The following GRM5 variants were observed in gnomAD, a reference collection of about 807,000 sequenced individuals.
The protein encoded by GRM5 is glutamate metabotropic receptor 5, also known as metabotropic glutamate receptor 5.
GRM5 carries 19 observed loss-of-function variants against 83.1 expected under a neutral mutation model. That is an observed-to-expected ratio of 0.23 (90% CI 0.16 to 0.34). The LOEUF is 0.34. Among genes scored for constraint, GRM5 ranks in the 10% least tolerant of loss-of-function variants. The pLI, the probability that GRM5 is intolerant of heterozygous loss-of-function variation, is 1.00. For missense variants in GRM5, 1,160 were observed against 1,588.3 expected (o/e 0.73, Z 4.58); for synonymous variants, 675 against 633.6 (o/e 1.07, Z -0.98).
rs1555025154 is a variant in GRM5 at position 88,838,904 on chromosome 11, CAT to C, written c.911+11000_911+11001del. Among the ~76,000 whole-genome samples the C allele has an allele frequency of 3.9e-4, 57 of 145,110 alleles. 1 individual carries two copies. Among genetic ancestry groups the C allele is most frequent in the African/African-American group, 1.1e-3 (42 of 38,074 alleles). On this transcript the variant is annotated intron_variant, in intron 3 of 9. Transcript: ENST00000305447. ...ACACACACACACACACACACACACA[CAT>C]ACACACACAAACTTCCTTCTCCACT...
intron 2 of GRM5, among the ~76,000 whole-genome samples, chr11:88,859,333 G>A (rs750674378): frequency 3.3e-5 from 5 of 151,928 alleles, no homozygotes; most frequent in Non-Finnish European, 7.4e-5. Flanking sequence ...GGTTATTTTA[G>A]GTAAAGTACT....
intron 3 of GRM5, among the ~76,000 whole-genome samples, chr11:88,751,078 A>AAAAAAAAAAAAAAAAAAC (rs1942261959): frequency 7.1e-6 from 1 of 141,050 alleles, no homozygotes; most frequent in African/African-American, 2.5e-5. Flanking sequence ...AAGCCAAAAA[A>AAAAAAAAAAAAAAAAAAC]AAAAAAAAAA....
intron 2 of GRM5, among the ~76,000 whole-genome samples, chr11:88,882,680 A>C (rs555357863): frequency 1.3e-5 from 2 of 152,312 alleles, no homozygotes; most frequent in Non-Finnish European, 2.9e-5. Context: ...TCAATAGCTA[A>C]TAATTTCAAT....
At chr11:88,748,038 A>C (rs1942180013) in intron 3 of GRM5, among the ~76,000 whole-genome samples, 1 of 152,192 alleles carries the variant, frequency 6.6e-6, no homozygotes, top group Non-Finnish European at 1.5e-5. Flanking sequence ...CTGGAGTAGC[A>C]GAGAGCCAAA....
At chr11:88,895,883 G>C (rs1235305820) in intron 2 of GRM5, among the ~76,000 whole-genome samples, 1 of 151,912 alleles carries the variant, frequency 6.6e-6, no homozygotes, top group Non-Finnish European at 1.5e-5. Flanking sequence ...TTATGTGCTT[G>C]TGATGTAGAA....
intron 2 of GRM5, among the ~76,000 whole-genome samples, chr11:89,017,210 C>T (rs771751692): frequency 6.6e-6 from 1 of 152,066 alleles, no homozygotes; most frequent in Non-Finnish European, 1.5e-5. Flanking sequence ...CTCAGACCAC[C>T]AAGGTTTAAC....
At chr11:88,869,741 T>C (rs2135559984) in intron 2 of GRM5, among the ~76,000 whole-genome samples, 1 of 151,552 alleles carries the variant, frequency 6.6e-6, no homozygotes, top group Non-Finnish European at 1.5e-5. Context: ...TCTTCAAAAA[T>C]GTGAGCCAAC....
At chr11:88,774,894 G>A (rs1259733615) in intron 3 of GRM5, among the ~76,000 whole-genome samples, 1 of 152,188 alleles carries the variant, frequency 6.6e-6, no homozygotes, top group Non-Finnish European at 1.5e-5. Flanking sequence ...AGGGATATTG[G>A]TCTAAAATTC....
intron 2 of GRM5, among the ~76,000 whole-genome samples, chr11:88,994,911 C>G (rs768745423): frequency 4.6e-4 from 70 of 152,210 alleles, no homozygotes; most frequent in Non-Finnish European, 8.7e-4. Flanking sequence ...AGTTTATCCT[C>G]ATAACATTTA....
chr11:88,664,492 G>A (rs1166816942), intron 3 of GRM5, among the ~76,000 whole-genome samples: 1 of 151,680 alleles, frequency 6.6e-6, no homozygotes, highest in Non-Finnish European at 1.5e-5. Context: ...TGCTGCCCAG[G>A]CTGGAATGCA....
At chr11:88,613,277 G>A (rs767302306) in intron 4 of GRM5, among the ~76,000 whole-genome samples, 11 of 152,212 alleles carry the variant, frequency 7.2e-5, no homozygotes, top group South Asian at 6.2e-4. Context: ...CTGATGATAC[G>A]TCTGACATTG....
intron 3 of GRM5, among the ~76,000 whole-genome samples, chr11:88,822,634 G>T (rs1365211538): frequency 6.6e-6 from 1 of 152,116 alleles, no homozygotes; most frequent in Non-Finnish European, 1.5e-5. Context: ...GCAGCACACA[G>T]GGCTGGAATA....
rs1354285965 is a variant in GRM5 at position 88,848,286 on chromosome 11, T to C, written c.911+1620A>G. Among the ~76,000 whole-genome samples, 6 of 152,308 alleles carry C rather than the reference T, an allele frequency of 3.9e-5. No homozygotes were observed. The South Asian group carries it at 1.2e-3, about 32-fold the overall frequency. On this transcript the variant is annotated intron_variant, in intron 3 of 9. Coordinates refer to ENST00000305447, the MANE Select transcript of GRM5 (RefSeq NM_001143831.3). ...ACTCAATATCATTTTTATTGAAGGA[T>C]GTGTGGCCTCATACCAAAATAGCCC...
At chr11:88,731,542 C>A (rs547590815) in intron 3 of GRM5, among the ~76,000 whole-genome samples, 51 of 152,090 alleles carry the variant, frequency 3.4e-4, no homozygotes, top group Admixed American at 5.9e-4. Flanking sequence ...GAATCACTTG[C>A]CAAGTTCAAC....
intron 7 of GRM5, among the ~76,000 whole-genome samples, chr11:88,574,084 A>G (rs1338360423): frequency 6.6e-6 from 1 of 152,086 alleles, no homozygotes; most frequent in East Asian, 1.9e-4. Context: ...AGTTTGATTG[A>G]CTGTATCATT....
chr11:88,960,903 C>A (rs1938763304), intron 2 of GRM5, among the ~76,000 whole-genome samples: 2 of 151,998 alleles, frequency 1.3e-5, no homozygotes, highest in South Asian at 4.1e-4. Context: ...AAAAAATATT[C>A]TAGATGAAGC....
intron 2 of GRM5, among the ~76,000 whole-genome samples, chr11:88,853,681 TG>T (rs1590913880): frequency 6.9e-6 from 1 of 145,560 alleles, no homozygotes. Context: ...ATTTGACTTT[TG>T]AAAATATGAA....
intron 2 of GRM5, among the ~76,000 whole-genome samples, chr11:89,036,920 T>C (rs1941401561): frequency 6.6e-6 from 1 of 152,156 alleles, no homozygotes; most frequent in African/African-American, 2.4e-5. Context: ...CCATAGTATT[T>C]GGTCCAAGCT....
intron 1 of GRM5, among the ~76,000 whole-genome samples, chr11:89,048,609 T>C (rs1295535815): frequency 6.6e-6 from 1 of 152,198 alleles, no homozygotes; most frequent in Non-Finnish European, 1.5e-5. Context: ...CCAAATACAA[T>C]GTCAAGCAAG....
Sources: gnomAD v4.1 joint callset for allele counts (sites outside exome capture counted in the v4.1 genomes callset) on GRCh38, gnomAD v4.1.1 for gene constraint, MANE v1.5 for transcripts, NCBI Gene and HGNC (gene_info 2026-07-23, HGNC 2026-07-21) for gene names.